The following SLC26A7 variants were observed in gnomAD, a reference collection of about 807,000 sequenced individuals.
SLC26A7 encodes solute carrier family 26 member 7.
A neutral mutation model predicts 82.5 loss-of-function variants in SLC26A7; 59 were observed. The observed-to-expected ratio is 0.72, with a 90% confidence interval of 0.58 to 0.89. SLC26A7 has a LOEUF of 0.89. Ranked by LOEUF, SLC26A7 falls within the 40% of genes least tolerant of loss-of-function variation. SLC26A7 has a pLI of 0.00. For synonymous variants in SLC26A7, 271 were observed against 274.3 expected (o/e 0.99, Z 0.12); for missense variants, 820 against 793.0 (o/e 1.03, Z -0.41).
At chr8:91,357,587 A>G (rs1273475272) in intron 11 of SLC26A7, among the ~76,000 whole-genome samples, 2 of 152,172 alleles carry the variant, frequency 1.3e-5, no homozygotes, top group African/African-American at 4.8e-5. Flanking sequence ...TCCCTTCCTT[A>G]CACCGTATAC....
Position 91,362,382 on chromosome 8 carries a change from A to G in SLC26A7, c.1344A>G (p.Thr448=), listed in dbSNP as rs1274416644. 2 of 1,613,244 alleles carry G rather than the reference A, an allele frequency of 1.2e-6. No homozygotes were observed. The change falls in exon 12 of 19, where the codon ACA becomes ACG. Residue 448 remains threonine (T), a synonymous_variant. Coordinates refer to ENST00000276609, the MANE Select transcript of SLC26A7 (RefSeq NM_052832.4). ...WGIWVSTYVF[T]ICFAANVGLL... ...TATGGGTCAGTACATATGTATTTAC[A>G]ATATGCTTTGCTGCCAATGTGGGAC...
At chr8:91,249,306 T>C (rs112459352), upstream of SLC26A7, 760 of 164,588 alleles carry the variant, frequency 4.6e-3, 6 homozygotes, top group African/African-American at 0.017. Context: ...GGGGAATTAC[T>C]GGCGAGAGAG....
chr8:91,368,391 T>G (rs967980155), intron 14 of SLC26A7, among the ~76,000 whole-genome samples: 2 of 151,696 alleles, frequency 1.3e-5, no homozygotes, highest in African/African-American at 2.4e-5. Flanking sequence ...GAAATTCTTT[T>G]GCAAGGGAGA....
intron 4 of SLC26A7, among the ~76,000 whole-genome samples, chr8:91,316,845 G>A (rs939142110): frequency 6.6e-6 from 1 of 151,546 alleles, no homozygotes; most frequent in Admixed American, 6.6e-5. Flanking sequence ...AAGAACATTA[G>A]TCATTGAAGT....
intron 9 of SLC26A7, among the ~76,000 whole-genome samples, chr8:91,350,116 G>A (rs903898079): frequency 1.3e-5 from 2 of 152,036 alleles, no homozygotes; most frequent in African/African-American, 4.8e-5. Context: ...ATGCTGACGA[G>A]TGTTTGTGAT....
At chr8:91,374,774 G>C (rs2130886287) in intron 15 of SLC26A7, among the ~76,000 whole-genome samples, 1 of 152,088 alleles carries the variant, frequency 6.6e-6, no homozygotes, top group East Asian at 1.9e-4. Context: ...TTTAAATCCA[G>C]AGTTCCTTTG....
intron 5 of SLC26A7, among the ~76,000 whole-genome samples, chr8:91,328,373 C>G (rs1477654409): frequency 6.6e-6 from 1 of 152,088 alleles, no homozygotes; most frequent in African/African-American, 2.4e-5. Context: ...AGATGGATTA[C>G]TTAAAATTAC....
At chr8:91,340,701 T>C (rs1813385267) in intron 8 of SLC26A7, 150 bp downstream of exon 8, 1 of 903,918 alleles carries the variant, frequency 1.1e-6, no homozygotes, top group African/African-American at 1.7e-5. Context: ...AATATCAAAA[T>C]CATTCATAGG....
At position 91,352,886 on chromosome 8, in the gene SLC26A7, AC is replaced by A. The variant is rs1563694258; in HGVS notation, c.1219-14del. 1 of 1,577,424 alleles carries A rather than the reference AC, an allele frequency of 6.3e-7. No homozygotes were observed. Among genetic ancestry groups the A allele is most frequent in the Admixed American group, 1.8e-5 (1 of 54,484 alleles). ...TTTTATGTTGCTTCTTCTTCAACTT[AC>A]GTTTTATTTCTAGTGTGTCCTTGCA... On this transcript the variant is annotated splice_polypyrimidine_tract_variant and intron_variant, in intron 10 of 18. Transcript: ENST00000276609.
intron 9 of SLC26A7, among the ~76,000 whole-genome samples, chr8:91,345,993 T>A (rs183355645): frequency 2.0e-5 from 3 of 152,304 alleles, no homozygotes; most frequent in Middle Eastern, 3.4e-3. Context: ...TTCTCTTCTC[T>A]GTTCTGGAGG....
At chr8:91,277,771 T>G (rs1225409055) in intron 2 of SLC26A7, among the ~76,000 whole-genome samples, 1 of 152,232 alleles carries the variant, frequency 6.6e-6, no homozygotes. Context: ...CTTCACATAT[T>G]ATTAACTTGG....
At chr8:91,307,796 T>G (rs1812361707) in intron 4 of SLC26A7, among the ~76,000 whole-genome samples, 1 of 129,234 alleles carries the variant, frequency 7.7e-6, no homozygotes, top group South Asian at 2.7e-4. Flanking sequence ...ACTTAAAGTA[T>G]AATAATAAAA....
chr8:91,214,208 A>G (rs1366029442), intron 1 of SLC26A7, among the ~76,000 whole-genome samples: 1 of 152,080 alleles, frequency 6.6e-6, no homozygotes, highest in African/African-American at 2.4e-5. Flanking sequence ...TTGTTGATTG[A>G]TTGAGCATGG....
intron 4 of SLC26A7, among the ~76,000 whole-genome samples, chr8:91,316,537 G>T (rs1348574501): frequency 7.9e-6 from 1 of 126,018 alleles, no homozygotes; most frequent in African/African-American, 3.0e-5. Context: ...CAAATTTCTG[G>T]GCTCAAGTGA....
rs761364134 is a variant in SLC26A7 at position 91,366,583 on chromosome 8, A to C, written c.1492A>C (p.Thr498Pro). The C allele has an allele frequency of 6.2e-7, 1 of 1,610,746 alleles. No homozygotes were observed. Among genetic ancestry groups the C allele is most frequent in the East Asian group, 2.2e-5 (1 of 44,766 alleles). ...FKVKTEMDSE[T>P]LQQVKIISIN... The stretch of plus-strand genomic sequence containing the variant: ...ATCTGTTTTTCTCCTCCAAAAGGAA[A>C]CCCTGCAGCAGGTGAAAATTATCTC... The change falls in exon 14 of 19, where the codon ACC (threonine) becomes CCC (proline). Residue 498 changes from threonine to proline, a missense_variant. Transcript: ENST00000276609.
intron 2 of SLC26A7, among the ~76,000 whole-genome samples, chr8:91,224,187 G>A (rs976368628): frequency 2.0e-5 from 3 of 152,032 alleles, no homozygotes; most frequent in South Asian, 2.1e-4. Flanking sequence ...CTGTCAGTTC[G>A]TCTATCTGAT....
chr8:91,312,776 A>G (rs779080179), intron 4 of SLC26A7, among the ~76,000 whole-genome samples: 1 of 151,854 alleles, frequency 6.6e-6, no homozygotes, highest in Non-Finnish European at 1.5e-5. Context: ...TCATGTGCTT[A>G]TTGGACATTT....
intron 2 of SLC26A7, among the ~76,000 whole-genome samples, chr8:91,283,000 C>A (rs1208834056): frequency 6.6e-6 from 1 of 152,064 alleles, no homozygotes; most frequent in African/African-American, 2.4e-5. Context: ...GTCAGTAATT[C>A]CCCCTTTATT....
intron 5 of SLC26A7, 82 bp from the exon 6 acceptor site, chr8:91,334,210 CATT>C: frequency 7.9e-7 from 1 of 1,271,144 alleles, no homozygotes; most frequent in South Asian, 1.5e-5. Flanking sequence ...TATAAAACAT[CATT>C]GAGTTTATTG....
Sources: allele counts gnomAD v4.1 joint callset (sites outside exome capture counted in the v4.1 genomes callset), GRCh38; gene constraint gnomAD v4.1.1; transcripts MANE v1.5; gene names NCBI Gene and HGNC (gene_info 2026-07-23, HGNC 2026-07-21).